The following ADCY3 variants were observed in gnomAD, a reference collection of about 807,000 sequenced individuals.
ADCY3 encodes adenylate cyclase 3.
ADCY3 carries 70 observed loss-of-function variants against 119.4 expected under a neutral mutation model. The ratio of observed to expected loss-of-function variants is 0.59; its 90% confidence interval spans 0.48 to 0.72. The LOEUF (loss-of-function observed/expected upper bound fraction) is 0.72, where lower values mean the gene tolerates loss of function less well. ADCY3 is among the 30% of genes least tolerant of loss of function. The pLI, the probability that ADCY3 is intolerant of heterozygous loss-of-function variation, is 0.00. For synonymous variants in ADCY3, 672 were observed against 621.4 expected, an observed-to-expected ratio of 1.08 and a Z score of -1.21; for missense variants, 1,238 against 1,541.6, an observed-to-expected ratio of 0.80 and a Z score of 3.30.
Position 24,824,476 on chromosome 2 carries a change from G to A in ADCY3, c.2638C>T (p.Arg880Cys), listed in dbSNP as rs369517755. The change falls in exon 17 of 22, where the codon CGT (arginine) becomes TGT (cysteine). Residue 880 changes from arginine to cysteine, a missense_variant. Coordinates refer to ENST00000679454, the MANE Select transcript of ADCY3 (RefSeq NM_004036.5). ...TTCCAGCGTCGCATCTCATAGACACGTTCCTTCTGGTCGTGGACCTCAATC... is the reference window on the plus strand; with the variant it reads ...TTCCAGCGTCGCATCTCATAGACACATTCCTTCTGGTCGTGGACCTCAATC... ...WKIEVHDQKE[R>C]VYEMRRWNEA... 6.8e-6 allele frequency: 11 copies of A among 1,614,090 alleles called. No individual in the cohort carries two copies. In the African/African-American group the frequency reaches 8.0e-5, roughly 12 times the overall value.
chr2:24,834,595 C>T lies in ADCY3; in HGVS notation c.1857G>A (p.Glu619=). The T allele has an allele frequency of 6.2e-7, 1 of 1,614,148 alleles. No homozygotes were observed. The highest frequency in any genetic ancestry group is 8.5e-7 in the Non-Finnish European group (1 of 1,180,042). The stretch of plus-strand genomic sequence containing the variant: ...TCTCCACCGAGTAGCGGGTTTCCAT[C>T]TCGGGGTCCATGAACCGCATGGACA... The part of the protein sequence containing the change: ...FLLSMRFMDP[E]METRYSVEKE... The change falls in exon 11 of 22, where the codon GAG becomes GAA. Residue 619 remains glutamate (E), a synonymous_variant. Transcript: ENST00000679454. The surrounding 1 kb of genome is among the most constrained non-coding windows in gnomAD (Gnocchi z 4.2).
rs369681544 is a variant in ADCY3, at chr2:24,819,873, T to C, written c.*59A>G. On this transcript the variant is annotated 3_prime_UTR_variant, in exon 22 of 22. Coordinates refer to ENST00000679454, the MANE Select transcript of ADCY3 (RefSeq NM_004036.5). The stretch of plus-strand genomic sequence containing the variant: ...TCAATCCAGGAAGGTCGGGACTTCC[T>C]TCAGTTTCAAAAAATAAATTCTCCC... 6.4e-6 allele frequency: 10 copies of C among 1,565,140 alleles called. No homozygotes were observed. In the East Asian group the frequency reaches 1.4e-4, roughly 21 times the overall value.
At chr2:24,914,675 CAA>C (rs70947853) in intron 2 of ADCY3, among the ~76,000 whole-genome samples, 1,335 of 120,888 alleles carry the variant, frequency 0.011, 10 homozygotes, top group African/African-American at 0.033. Flanking sequence ...AACTCTGTCT[CAA>C]AAAAAAAAAA....
chr2:24,890,335 A>G (rs1242619677), intron 2 of ADCY3, among the ~76,000 whole-genome samples: 1 of 152,214 alleles, frequency 6.6e-6, no homozygotes, highest in East Asian at 1.9e-4. Flanking sequence ...TATTGAATTC[A>G]TAAAATAAGT....
intron 2 of ADCY3, among the ~76,000 whole-genome samples, chr2:24,894,332 A>C (rs1439833702): frequency 2.0e-5 from 3 of 152,164 alleles, no homozygotes; most frequent in African/African-American, 7.2e-5. Flanking sequence ...AAAGTTAGCC[A>C]GACATGCTGT....
intron 2 of ADCY3, among the ~76,000 whole-genome samples, chr2:24,890,823 T>C (rs934790110): frequency 2.0e-5 from 3 of 152,162 alleles, no homozygotes; most frequent in Non-Finnish European, 4.4e-5. Context: ...TCTACTTCAA[T>C]CTAAAGGTTT....
rs765114791 is a variant in ADCY3 at position 24,839,848 on chromosome 2, C to T, written c.1355+25G>A. 9 of 1,613,606 alleles carry T rather than the reference C, an allele frequency of 5.6e-6. No homozygotes were observed. The South Asian group carries it at 7.7e-5, about 14-fold the overall frequency. ...GACGGTCCCCTCCCCAGTCCTCAAA[C>T]CTGCCCCCTTGGAATGGCACTCACC... On this transcript the variant is annotated intron_variant, in intron 7 of 21. Coordinates refer to ENST00000679454, the MANE Select transcript of ADCY3 (RefSeq NM_004036.5).
At position 24,819,990 on chromosome 2, in the gene ADCY3, G is replaced by A; in HGVS notation, c.3377C>T (p.Ala1126Val). Residue 1126 changes from alanine to valine, a missense_variant, in exon 22 of 22, where the codon GCC becomes GTC. By Grantham distance (64) the Ala-to-Val change is moderately conservative (BLOSUM62 0). Transcript: ENST00000679454. ...GACAGAGGGGCCATTGGGGAAGGTG[G>A]CTAGCTTATCCCGCCCCTTCAAGAA... is the stretch of plus-strand genomic sequence containing the variant. Reference protein sequence around the residue: ...TFFLKGRDKLATFPNGPSVTL... With the variant: ...TFFLKGRDKLVTFPNGPSVTL... The A allele has an allele frequency of 6.2e-7, 1 of 1,613,492 alleles. No homozygotes were observed. Among genetic ancestry groups the A allele is most frequent in the African/African-American group, 1.3e-5 (1 of 74,962 alleles).
intron 3 of ADCY3, among the ~76,000 whole-genome samples, chr2:24,850,106 C>T (rs149985606): frequency 6.1e-4 from 93 of 152,124 alleles, no homozygotes; most frequent in African/African-American, 1.7e-3. Context: ...CCCACACCTT[C>T]GACACCCACC....
intron 2 of ADCY3, among the ~76,000 whole-genome samples, chr2:24,891,569 T>C (rs1466750752): frequency 6.6e-6 from 1 of 152,234 alleles, no homozygotes; most frequent in Non-Finnish European, 1.5e-5. Flanking sequence ...AAGCGTTTCC[T>C]TTAAGTGAAA....
chr2:24,871,444 G>A (rs1199898782), intron 3 of ADCY3, among the ~76,000 whole-genome samples: 1 of 152,226 alleles, frequency 6.6e-6, no homozygotes. Context: ...TTGGTAAACG[G>A]GGAGGAAGAA....
chr2:24,849,130 C>T (rs2148639430), intron 3 of ADCY3, among the ~76,000 whole-genome samples: 1 of 152,340 alleles, frequency 6.6e-6, no homozygotes, highest in East Asian at 1.9e-4. Flanking sequence ...GCAGTGGCTC[C>T]TGCAGCCACA....
At chr2:24,826,174 G>T (rs1448493479) in intron 15 of ADCY3, 48 bp from the exon 16 acceptor site, 1 of 1,542,386 alleles carries the variant, frequency 6.5e-7, no homozygotes, top group Admixed American at 1.7e-5. Flanking sequence ...TCTGCCTCCT[G>T]GAGGGGGCCT....
At position 24,842,609 on chromosome 2, in the gene ADCY3, C is replaced by G. The variant is rs1222384033; in HGVS notation, c.826-225G>C. On this transcript the variant is annotated intron_variant, in intron 3 of 21. Transcript: ENST00000679454. This position sits in a 1 kb window ranked among gnomAD's most constrained non-coding sequence, Gnocchi z 4.9. ...GGTGGCAATGGCCCCTTCAGAGCAA[C>G]TGAGGGGAGCCAGAAACGCAGTGAA... 2 of 546,010 alleles carry G rather than the reference C, an allele frequency of 3.7e-6. No individual in the cohort carries two copies. Among genetic ancestry groups the G allele is most frequent in the Non-Finnish European group, 6.5e-6 (2 of 306,032 alleles). The allele number at this position is 546,010 out of a possible 1,614,324, so 33.8% of individuals were successfully genotyped here.
chr2:24,866,720 T>C (rs1444280624), intron 3 of ADCY3, among the ~76,000 whole-genome samples: 5 of 152,098 alleles, frequency 3.3e-5, no homozygotes, highest in African/African-American at 1.2e-4. Context: ...AAAATAGGAA[T>C]ACATCGTTAG....
rs774359826 is a variant in ADCY3, at chr2:24,918,983, G to A, written c.5C>T (p.Pro2Leu). The A allele has an allele frequency of 8.9e-6, 14 of 1,566,118 alleles. No individual in the cohort carries two copies. The highest frequency in any genetic ancestry group is 7.1e-5 in the East Asian group (3 of 42,338). The part of the protein sequence containing the change: M[P>L]RNQGFSEPEY... ...GGGCTCGGAGAAGCCCTGGTTCCTC[G>A]GCATACTGGCTGGTGTCTGCTACTG... The change falls in exon 2 of 22, where the codon CCG (proline) becomes CTG (leucine). Residue 2 changes from proline (P) to leucine (L), a missense_variant. Coordinates refer to ENST00000679454, the MANE Select transcript of ADCY3 (RefSeq NM_004036.5). This position sits in a 1 kb window ranked among gnomAD's most constrained non-coding sequence, Gnocchi z 5.4.
intron 2 of ADCY3, among the ~76,000 whole-genome samples, chr2:24,886,724 G>A (rs1471608381): frequency 6.6e-6 from 1 of 152,254 alleles, no homozygotes; most frequent in Non-Finnish European, 1.5e-5. Flanking sequence ...AGAAACTGGA[G>A]CTGGTTCCGG....
intron 2 of ADCY3, among the ~76,000 whole-genome samples, chr2:24,884,625 C>T (rs996169550): frequency 6.6e-6 from 1 of 151,826 alleles, no homozygotes; most frequent in Non-Finnish European, 1.5e-5. Flanking sequence ...TACAGGTGCC[C>T]GCCACCACGC....
At chr2:24,892,171 T>C (rs1677728706) in intron 2 of ADCY3, among the ~76,000 whole-genome samples, 1 of 152,218 alleles carries the variant, frequency 6.6e-6, no homozygotes, top group South Asian at 2.1e-4. Context: ...TTTTTAAAGA[T>C]ATAGTCTGTT....
Sources: allele counts gnomAD v4.1 joint callset (sites outside exome capture counted in the v4.1 genomes callset), GRCh38; gene constraint gnomAD v4.1.1; non-coding constraint Gnocchi (gnomAD v3.1); transcripts MANE v1.5; gene names NCBI Gene and HGNC (gene_info 2026-07-23, HGNC 2026-07-21).